Variants in ANO6 observed in about 807,000 individuals in gnomAD.
ANO6 encodes anoctamin 6, also known as anoctamin-6.
ANO6 carries 106 observed loss-of-function variants against 117.5 expected under a neutral mutation model. That is an observed-to-expected ratio of 0.90 (90% CI 0.77 to 1.06). ANO6 has a LOEUF of 1.06. ANO6 is among the 50% of genes least tolerant of loss of function. ANO6 has a pLI of 0.00. For missense variants in ANO6, 955 were observed against 1,121.1 expected (o/e 0.85, Z 2.12); for synonymous variants, 367 against 385.1 (o/e 0.95, Z 0.55).
rs533752287 is a variant in ANO6 at position 45,318,306 on chromosome 12, C to T, written c.151-12989C>T. Among the ~76,000 whole-genome samples, 354 of 152,044 alleles carry T rather than the reference C, an allele frequency of 2.3e-3. 1 individual carries two copies. Among genetic ancestry groups the T allele is most frequent in the Admixed American group, 3.9e-3 (60 of 15,238 alleles). ...ATCTTGAATTAATTTTTGTATAAGG[C>T]GTAAGGAAGGGATCCAGTTTCAGCT... On this transcript the variant is annotated intron_variant, in intron 2 of 19. Transcript: ENST00000320560.
At chr12:45,402,532 C>CA (rs1328065706) in intron 13 of ANO6, among the ~76,000 whole-genome samples, 2 of 152,222 alleles carry the variant, frequency 1.3e-5, no homozygotes, top group African/African-American at 2.4e-5. Flanking sequence ...GTGCTTCCCA[C>CA]ACTGCATACG....
chr12:45,366,372 T>C (rs1427312134), intron 8 of ANO6, among the ~76,000 whole-genome samples: 1 of 152,180 alleles, frequency 6.6e-6, no homozygotes, highest in African/African-American at 2.4e-5. Context: ...TTCTAATAAG[T>C]TGGTACGTTG....
At chr12:45,378,325 C>T (rs778719603) in intron 10 of ANO6, among the ~76,000 whole-genome samples, 1 of 151,994 alleles carries the variant, frequency 6.6e-6, no homozygotes, top group Non-Finnish European at 1.5e-5. Context: ...AACTTTATTT[C>T]TCATGTTTAT....
chr12:45,267,930 C>T (rs959341773), intron 1 of ANO6, among the ~76,000 whole-genome samples: 1 of 152,148 alleles, frequency 6.6e-6, no homozygotes, highest in African/African-American at 2.4e-5. Flanking sequence ...TAAGTCAAAA[C>T]TGTATTGAAG....
intron 1 of ANO6, among the ~76,000 whole-genome samples, chr12:45,217,548 C>A (rs1947334841): frequency 6.6e-6 from 1 of 152,186 alleles, no homozygotes; most frequent in African/African-American, 2.4e-5. Flanking sequence ...ACATTTCATT[C>A]ATTCATTTAA....
At chr12:45,427,083 T>G (rs1360659529) in intron 19 of ANO6, among the ~76,000 whole-genome samples, 1 of 152,098 alleles carries the variant, frequency 6.6e-6, no homozygotes, top group Non-Finnish European at 1.5e-5. Flanking sequence ...CAACTCCATC[T>G]CAACACTGCT....
At chr12:45,332,276 C>G (rs544874397) in intron 3 of ANO6, among the ~76,000 whole-genome samples, 1 of 142,852 alleles carries the variant, frequency 7.0e-6, no homozygotes, top group South Asian at 2.5e-4. Context: ...TATGTGTGCT[C>G]TCTCCCTCTC....
chr12:45,285,431 T>C (rs1938876010), intron 1 of ANO6, among the ~76,000 whole-genome samples: 1 of 151,830 alleles, frequency 6.6e-6, no homozygotes, highest in African/African-American at 2.4e-5. Flanking sequence ...ATATTCAGAG[T>C]TGAGAAATGC....
At chr12:45,237,401 T>C (rs1947662517) in intron 1 of ANO6, among the ~76,000 whole-genome samples, 1 of 152,222 alleles carries the variant, frequency 6.6e-6, no homozygotes, top group East Asian at 1.9e-4. Context: ...AATTTTTGTA[T>C]AAGGTGTAAG....
In ANO6 at chr12:45,216,406, C is replaced by T. The variant is rs998039465; in HGVS notation, c.70+15C>T. The T allele has an allele frequency of 6.2e-7, 1 of 1,608,384 alleles. No individual in the cohort carries two copies. Among genetic ancestry groups the T allele is most frequent in the East Asian group, 2.2e-5 (1 of 44,652 alleles). On this transcript the variant is annotated intron_variant, in intron 1 of 19. Coordinates refer to ENST00000320560, the MANE Select transcript of ANO6 (RefSeq NM_001025356.3). The stretch of plus-strand genomic sequence containing the variant: ...TGGGGATATCGGTGAGCGAGGGGTC[C>T]CCGCGTCCCCACCCGAGAGCCCGAG...
intron 1 of ANO6, among the ~76,000 whole-genome samples, chr12:45,299,750 G>C (rs1592934476): frequency 6.6e-6 from 1 of 152,106 alleles, no homozygotes; most frequent in African/African-American, 2.4e-5. Flanking sequence ...TACTTGGGAG[G>C]CTGAGGCAGG....
chr12:45,286,734 G>A (rs1938928205), intron 1 of ANO6, among the ~76,000 whole-genome samples: 1 of 152,158 alleles, frequency 6.6e-6, no homozygotes, highest in African/African-American at 2.4e-5. Flanking sequence ...AGTAGCTAAT[G>A]TTTGTCAAGT....
chr12:45,374,720 A>G (rs1392420144), intron 9 of ANO6, among the ~76,000 whole-genome samples: 3 of 147,594 alleles, frequency 2.0e-5, no homozygotes, highest in African/African-American at 5.0e-5. Flanking sequence ...AATAAGAGCT[A>G]TCTATGACAA....
chr12:45,267,299 T>C (rs1938250538), intron 1 of ANO6, among the ~76,000 whole-genome samples: 1 of 152,168 alleles, frequency 6.6e-6, no homozygotes, highest in South Asian at 2.1e-4. Flanking sequence ...CTGGTATCTT[T>C]CTGTGTCCAA....
intron 2 of ANO6, among the ~76,000 whole-genome samples, chr12:45,319,455 A>C (rs893552407): frequency 6.6e-6 from 1 of 152,190 alleles, no homozygotes; most frequent in Non-Finnish European, 1.5e-5. Flanking sequence ...CTTGCATCCC[A>C]GGGATGAAGC....
At chr12:45,380,431 G>A (rs931098309) in intron 10 of ANO6, among the ~76,000 whole-genome samples, 1 of 152,210 alleles carries the variant, frequency 6.6e-6, no homozygotes, top group African/African-American at 2.4e-5. Context: ...CTAAGGATCT[G>A]GGGAACCAGG....
chr12:45,397,100 C>T (rs1942637086), intron 12 of ANO6, among the ~76,000 whole-genome samples: 2 of 152,178 alleles, frequency 1.3e-5, no homozygotes, highest in South Asian at 4.1e-4. Context: ...ACCCATCTGA[C>T]AAAGGGCTAA....
At chr12:45,405,542 G>C (rs1467171) in intron 15 of ANO6, among the ~76,000 whole-genome samples, 1 of 152,152 alleles carries the variant, frequency 6.6e-6, no homozygotes, top group African/African-American at 2.4e-5. Flanking sequence ...AGCCAAATTA[G>C]AGAGTGACTG....
intron 17 of ANO6, among the ~76,000 whole-genome samples, chr12:45,418,308 GT>G (rs1257870600): frequency 6.6e-6 from 1 of 152,144 alleles, no homozygotes; most frequent in African/African-American, 2.4e-5. Flanking sequence ...TTTGGAGAAA[GT>G]TGCAAATCGC....
Sources: allele counts gnomAD v4.1 joint callset (sites outside exome capture counted in the v4.1 genomes callset), GRCh38; gene constraint gnomAD v4.1.1; transcripts MANE v1.5; gene names NCBI Gene and HGNC (gene_info 2026-07-23, HGNC 2026-07-21).